Variants in DLG2 observed in about 807,000 individuals in gnomAD.
The protein encoded by DLG2 is disks large homolog 2.
Under a neutral mutation model 132.5 loss-of-function variants are expected in DLG2, and 45 were observed. The observed-to-expected ratio is 0.34, with a 90% CI of 0.27 to 0.44. The LOEUF (loss-of-function observed/expected upper bound fraction) is 0.44. Ranked by LOEUF, DLG2 falls within the 20% of genes least tolerant of loss-of-function variation. The pLI is 1.00. For missense variants in DLG2, 1,045 were observed against 1,196.9 expected, an observed-to-expected ratio of 0.87 and a Z score of 1.87; for synonymous variants, 424 against 419.6, an observed-to-expected ratio of 1.01 and a Z score of -0.13.
rs142981771 is a variant in DLG2 at position 85,343,617 on chromosome 11, TTCTC to T, written c.41-58256_41-58253del. Among the ~76,000 whole-genome samples the T allele has an allele frequency of 3.7e-3, 554 of 151,392 alleles. 2 individuals carry two copies. The highest frequency in any genetic ancestry group is 0.013 in the African/African-American group (519 of 41,364). ...AAAAGTTCACTTATGTGTGCACACG[TTCTC>T]TCTCTCTCTCTCACACACACACACG... On this transcript the variant is annotated intron_variant, in intron 3 of 27. Transcript: ENST00000376104.
chr11:83,753,799 TATC>T (rs1240964287), intron 18 of DLG2, among the ~76,000 whole-genome samples: 5 of 100,618 alleles, frequency 5.0e-5, no homozygotes, highest in African/African-American at 2.9e-4. Context: ...ATATATGATA[TATC>T]ATATATATCA....
At chr11:84,070,019 T>G (rs544317720) in intron 10 of DLG2, among the ~76,000 whole-genome samples, 104 of 152,342 alleles carry the variant, frequency 6.8e-4, no homozygotes, top group Non-Finnish European at 1.3e-3. Flanking sequence ...GTTTTCCTGA[T>G]GCCAGGCTAA....
chr11:84,669,922 A>T (rs1421645968), intron 6 of DLG2, among the ~76,000 whole-genome samples: 1 of 152,168 alleles, frequency 6.6e-6, no homozygotes, highest in Non-Finnish European at 1.5e-5. Flanking sequence ...GAAAGGTAAG[A>T]CAAGAGCCTT....
intron 8 of DLG2, among the ~76,000 whole-genome samples, chr11:84,234,446 G>A (rs79548651): frequency 0.032 from 4,913 of 152,220 alleles, 227 homozygotes; most frequent in African/African-American, 0.11. Context: ...TAACGAAAGT[G>A]CGTTGGTTCA....
intron 3 of DLG2, among the ~76,000 whole-genome samples, chr11:85,432,688 C>T (rs1466705730): frequency 6.6e-6 from 1 of 152,052 alleles, no homozygotes; most frequent in Non-Finnish European, 1.5e-5. Flanking sequence ...ACCGCAGCTA[C>T]AACTGATTAG....
chr11:85,383,618 T>A (rs553148360), intron 3 of DLG2, among the ~76,000 whole-genome samples: 1 of 152,298 alleles, frequency 6.6e-6, no homozygotes, highest in Non-Finnish European at 1.5e-5. Flanking sequence ...AGTAGAGTGC[T>A]CAGTTTTCTA....
chr11:83,756,275 G>T (rs1223331982), intron 18 of DLG2, among the ~76,000 whole-genome samples: 1 of 151,364 alleles, frequency 6.6e-6, no homozygotes, highest in East Asian at 1.9e-4. Context: ...TAATTCTGAA[G>T]TGTGAACTTA....
chr11:84,953,197 G>T (rs1294272551), intron 6 of DLG2, among the ~76,000 whole-genome samples: 1 of 152,144 alleles, frequency 6.6e-6, no homozygotes, highest in African/African-American at 2.4e-5. Context: ...GGAATTGGGG[G>T]TGTTTCCTAT....
chr11:84,389,335 T>C (rs570507105), intron 7 of DLG2, among the ~76,000 whole-genome samples: 8 of 152,232 alleles, frequency 5.3e-5, no homozygotes, highest in South Asian at 2.1e-4. Context: ...AGGACTCTGA[T>C]GTTTTTAAAC....
intron 3 of DLG2, among the ~76,000 whole-genome samples, chr11:85,505,135 T>C (rs1381683517): frequency 1.3e-5 from 2 of 152,134 alleles, no homozygotes; most frequent in Non-Finnish European, 2.9e-5. Flanking sequence ...GACAATGGGG[T>C]TTTCTAAATA....
intron 3 of DLG2, among the ~76,000 whole-genome samples, chr11:85,462,192 C>G (rs1042604306): frequency 6.6e-6 from 1 of 152,224 alleles, no homozygotes; most frequent in South Asian, 2.1e-4. Context: ...AACACTTCTA[C>G]ACTGTTGGTG....
At chr11:84,626,613 A>G (rs1045628548) in intron 6 of DLG2, among the ~76,000 whole-genome samples, 3 of 152,208 alleles carry the variant, frequency 2.0e-5, no homozygotes, top group Non-Finnish European at 1.5e-5. Flanking sequence ...TCCAGTCCTT[A>G]TTAATTAAAA....
intron 2 of DLG2, among the ~76,000 whole-genome samples, chr11:85,609,712 G>C (rs1362765119): frequency 6.6e-6 from 1 of 152,124 alleles, no homozygotes; most frequent in Non-Finnish European, 1.5e-5. Context: ...ACCAGCTCAT[G>C]TTATCACCCT....
chr11:84,091,177 C>T (rs985292862), intron 10 of DLG2, among the ~76,000 whole-genome samples: 1 of 152,146 alleles, frequency 6.6e-6, no homozygotes, highest in Non-Finnish European at 1.5e-5. Context: ...AACACACATA[C>T]CCGAAAAGTT....
rs532949849 is a variant in DLG2, at chr11:85,338,979, A to C, written c.41-53614T>G. On this transcript the variant is annotated intron_variant, in intron 3 of 27. Transcript: ENST00000376104. Reference sequence around the variant, plus strand: ...AGTGCTGGGATTACAGGGGTGAGCCACCACGCCCGGCCATGTGTAATTAAT... The same window carrying C: ...AGTGCTGGGATTACAGGGGTGAGCCCCCACGCCCGGCCATGTGTAATTAAT... 6.6e-5 allele frequency among the ~76,000 whole-genome samples: 10 copies of C among 152,270 alleles called. No individual in the cohort carries two copies. In the South Asian group the frequency reaches 2.1e-3, roughly 32 times the overall value.
At chr11:84,877,404 C>A (rs751685391) in intron 6 of DLG2, among the ~76,000 whole-genome samples, 6 of 150,992 alleles carry the variant, frequency 4.0e-5, no homozygotes, top group Non-Finnish European at 8.8e-5. Flanking sequence ...ATAATTAGCT[C>A]TTCTTGTTGC....
rs1190518361 is a variant in DLG2, at chr11:83,693,306, C to T, written c.1826-59981G>A. On this transcript the variant is annotated intron_variant, in intron 18 of 27. Transcript: ENST00000376104. ...GGTGAATTTGAGCATTATTTTAGTACTGTTGAATAGTCACTGGACAGTTTG... is the reference window on the plus strand; with the variant it reads ...GGTGAATTTGAGCATTATTTTAGTATTGTTGAATAGTCACTGGACAGTTTG... Among the ~76,000 whole-genome samples the T allele has an allele frequency of 2.0e-5, 3 of 152,198 alleles. No individual in the cohort carries two copies. The East Asian group carries it at 5.8e-4, about 29-fold the overall frequency.
chr11:84,142,505 G>T (rs187446869), intron 9 of DLG2, among the ~76,000 whole-genome samples: 2 of 152,200 alleles, frequency 1.3e-5, no homozygotes, highest in East Asian at 3.9e-4. Flanking sequence ...TGGCTTAAGG[G>T]ATACCCAAAT....
At chr11:85,619,338 C>A (rs2081544777) in intron 2 of DLG2, among the ~76,000 whole-genome samples, 1 of 151,810 alleles carries the variant, frequency 6.6e-6, no homozygotes, top group South Asian at 2.1e-4. Flanking sequence ...CCAACAAGCC[C>A]AGCTAATTTT....
Sources: allele counts gnomAD v4.1 joint callset (sites outside exome capture counted in the v4.1 genomes callset), GRCh38; gene constraint gnomAD v4.1.1; transcripts MANE v1.5; gene names NCBI Gene and HGNC (gene_info 2026-07-23, HGNC 2026-07-21).